Variants in SH2D1B observed in about 807,000 individuals in gnomAD.
The protein encoded by SH2D1B is SH2 domain-containing protein 1B.
SH2D1B carries 11 observed loss-of-function variants against 16.3 expected under a neutral mutation model. The observed-to-expected ratio is 0.67, with a 90% CI of 0.42 to 1.11. The LOEUF is 1.11. Among genes scored for constraint, SH2D1B ranks in the 50% most tolerant of loss-of-function variants. SH2D1B has a pLI of 0.00. For synonymous variants in SH2D1B, 55 were observed against 56.1 expected (o/e 0.98, Z 0.09); for missense variants, 123 against 153.1 (o/e 0.80, Z 1.04).
chr1:162,396,994 G>C lies in SH2D1B; in HGVS notation c.*286C>G. The C allele has an allele frequency of 2.4e-6, 1 of 413,756 alleles. No individual in the cohort carries two copies. The highest frequency in any genetic ancestry group is 4.5e-6 in the Non-Finnish European group (1 of 221,294). The allele number at this position is 413,756 out of a possible 1,614,324, so 25.6% of individuals were successfully genotyped here. ...AAGGAGGGTGTCAACCATGATGTAG[G>C]GTGGTACCTTTAACAAGTCAAAGGG... On this transcript the variant is annotated 3_prime_UTR_variant, in exon 4 of 4. Coordinates refer to ENST00000367929, the MANE Select transcript of SH2D1B (RefSeq NM_053282.5).
chr1:162,404,195 G>A (rs897683750), intron 1 of SH2D1B, among the ~76,000 whole-genome samples: 3 of 152,102 alleles, frequency 2.0e-5, no homozygotes, highest in Admixed American at 6.5e-5. Context: ...AATTTGCTGG[G>A]TGTGGTGGCA....
intron 3 of SH2D1B, among the ~76,000 whole-genome samples, chr1:162,397,771 G>T (rs909462367): frequency 2.6e-5 from 4 of 152,172 alleles, no homozygotes; most frequent in African/African-American, 9.7e-5. Context: ...TGGGATTTAT[G>T]ATTCTTTTCT....
rs758704406 is a variant in SH2D1B at position 162,398,996 on chromosome 1, A to G, written c.290T>C (p.Leu97Pro). ...GCTGGTTCTCTTTATTGGCTTTAAA[A>G]GGTGAACCACCATCCCCTGATTTGG... ...EKPNQGMVVHLLKPIKRTSPS... is the reference protein window; with the variant it reads ...EKPNQGMVVHPLKPIKRTSPS... The change falls in exon 3 of 4, where the codon CTT becomes CCT. Residue 97 changes from leucine to proline, a missense_variant. Coordinates refer to ENST00000367929, the MANE Select transcript of SH2D1B (RefSeq NM_053282.5). 6.2e-6 allele frequency: 10 copies of G among 1,614,168 alleles called. No individual in the cohort carries two copies. In the South Asian group the frequency reaches 9.9e-5, roughly 16 times the overall value.
chr1:162,397,071 T>A lies in SH2D1B; in HGVS notation c.*209A>T. On this transcript the variant is annotated 3_prime_UTR_variant, in exon 4 of 4. Transcript: ENST00000367929. ...GAAAGAAGAGTGAAACTGGAGAGGG[T>A]TTTGAAATTGCTCCTGGTATATGTC... 3.6e-6 allele frequency: 2 copies of A among 556,096 alleles called. No homozygotes were observed. Among genetic ancestry groups the A allele is most frequent in the Non-Finnish European group, 6.5e-6 (2 of 308,978 alleles). 34.4% of individuals were successfully genotyped at this position (556,096 alleles called of 1,614,324 possible). A position where few individuals can be genotyped will look rare whatever the true frequency, so the allele number is the denominator to read the frequency against.
intron 3 of SH2D1B, 60 bp from the exon 4 acceptor site, chr1:162,397,375 A>C: frequency 6.3e-7 from 1 of 1,583,810 alleles, no homozygotes; most frequent in Non-Finnish European, 8.7e-7. Context: ...AAGTCATATC[A>C]AACAACCCCA....
At chr1:162,405,356 C>A (rs55740620) in intron 1 of SH2D1B, among the ~76,000 whole-genome samples, 46,619 of 152,038 alleles carry the variant, frequency 0.31, 7,261 homozygotes, top group African/African-American at 0.34. Context: ...TGGCTGTGTT[C>A]GTTTCATAAG....
Position 162,399,065 on chromosome 1 carries a change from T to C in SH2D1B, c.221A>G (p.Gln74Arg). 1 of 1,613,004 alleles carries C rather than the reference T, an allele frequency of 6.2e-7. No homozygotes were observed. The highest frequency in any genetic ancestry group is 1.7e-5 in the Admixed American group (1 of 59,802). ...CAGTTCCTTTAGGCTTGGAAAGACC[T>C]GTTTTGGAGAACCTTCTGCAGTCTG... Reference protein sequence around the residue: ...RIQTAEGSPKQVFPSLKELIS... With the variant: ...RIQTAEGSPKRVFPSLKELIS... Residue 74 changes from glutamine (Q) to arginine (R), a missense_variant, in exon 3 of 4, where the codon CAG becomes CGG. Coordinates refer to ENST00000367929, the MANE Select transcript of SH2D1B (RefSeq NM_053282.5).
chr1:162,411,250 C>T (rs1322943719), intron 1 of SH2D1B, among the ~76,000 whole-genome samples: 2 of 152,154 alleles, frequency 1.3e-5, no homozygotes, highest in African/African-American at 4.8e-5. Context: ...GCCACCATGC[C>T]CAGCCTGGAA....
intron 1 of SH2D1B, among the ~76,000 whole-genome samples, chr1:162,406,440 A>G (rs1404219800): frequency 2.6e-5 from 4 of 152,204 alleles, no homozygotes; most frequent in Non-Finnish European, 4.4e-5. Flanking sequence ...TGGAGAAAAC[A>G]GGTTGCAAGC....
chr1:162,397,087 G>A lies in SH2D1B; in HGVS notation c.*193C>T. 1 of 586,812 alleles carries A rather than the reference G, an allele frequency of 1.7e-6. No individual in the cohort carries two copies. Among genetic ancestry groups the A allele is most frequent in the Non-Finnish European group, 3.0e-6 (1 of 327,894 alleles). 36.4% of individuals were successfully genotyped at this position (586,812 alleles called of 1,614,324 possible). A position where few individuals can be genotyped will look rare whatever the true frequency, so the allele number is the denominator to read the frequency against. ...TGGAGAGGGTTTTGAAATTGCTCCT[G>A]GTATATGTCTGGGAGGCGGGGATGT... is the stretch of plus-strand genomic sequence containing the variant. On this transcript the variant is annotated 3_prime_UTR_variant, in exon 4 of 4. Coordinates refer to ENST00000367929, the MANE Select transcript of SH2D1B (RefSeq NM_053282.5).
chr1:162,405,862 C>G (rs897661704), intron 1 of SH2D1B, among the ~76,000 whole-genome samples: 2 of 152,228 alleles, frequency 1.3e-5, no homozygotes, highest in African/African-American at 2.4e-5. Flanking sequence ...AGGTGCTGTG[C>G]ACGGATCTCT....
Position 162,403,504 on chromosome 1 carries a change from AAAAAAAAATATATATATATATATAT to A in SH2D1B, c.135-727_135-703del, listed in dbSNP as rs1309420383. Among the ~76,000 whole-genome samples, 14 of 31,792 alleles carry A rather than the reference AAAAAAAAATATATATATATATATAT, an allele frequency of 4.4e-4. 1 individual carries two copies. The highest frequency in any genetic ancestry group is 1.9e-3 in the East Asian group (2 of 1,074). 20.9% of individuals were successfully genotyped at this position (31,792 alleles called of 152,430 possible). ...ACTCTGTCTGAAAAAAAAAAAAAAA[AAAAAAAAATATATATATATATATAT>A]ATATATATATATATGTAATTACTAT... On this transcript the variant is annotated intron_variant, in intron 1 of 3. Transcript: ENST00000367929.
chr1:162,403,762 T>C lies in SH2D1B; in HGVS notation c.135-960A>G, dbSNP rs1025128581. Among the ~76,000 whole-genome samples the C allele has an allele frequency of 5.4e-5, 8 of 147,662 alleles. No individual in the cohort carries two copies. The South Asian group carries it at 8.6e-4, about 16-fold the overall frequency. On this transcript the variant is annotated intron_variant, in intron 1 of 3. Transcript: ENST00000367929. The stretch of plus-strand genomic sequence containing the variant: ...CACACAATGGAATATTATTCAGCCA[T>C]AGAAAAATAAAATCCTGTTACTTGC...
intron 2 of SH2D1B, 71 bp from the exon 3 acceptor site, chr1:162,399,158 C>G: frequency 6.8e-7 from 1 of 1,476,472 alleles, no homozygotes; most frequent in Non-Finnish European, 9.2e-7. Context: ...CTTCTCAAAG[C>G]AGTGGGTTTT....
At chr1:162,403,367 T>C (rs1306459912) in intron 1 of SH2D1B, among the ~76,000 whole-genome samples, 2 of 149,796 alleles carry the variant, frequency 1.3e-5, no homozygotes, top group Non-Finnish European at 3.0e-5. Context: ...CGTATGCCTG[T>C]AATCCCAGCT....
chr1:162,408,817 C>G (rs558423571), intron 1 of SH2D1B, among the ~76,000 whole-genome samples: 1 of 151,952 alleles, frequency 6.6e-6, no homozygotes, highest in African/African-American at 2.4e-5. Context: ...CAAAGAGAAT[C>G]CCAATATAGG....
chr1:162,411,523 AC>A (rs1450899340), intron 1 of SH2D1B, among the ~76,000 whole-genome samples: 2 of 152,246 alleles, frequency 1.3e-5, no homozygotes, highest in East Asian at 1.9e-4. Flanking sequence ...TTCTTGAAGA[AC>A]CCCTAGCCTT....
intron 1 of SH2D1B, among the ~76,000 whole-genome samples, chr1:162,409,224 C>T (rs1648737349): frequency 6.6e-6 from 1 of 152,052 alleles, no homozygotes; most frequent in South Asian, 2.1e-4. Flanking sequence ...CACTGCTTGC[C>T]CCAGCACAAC....
chr1:162,404,329 C>A (rs1228598683), intron 1 of SH2D1B, among the ~76,000 whole-genome samples: 3 of 151,692 alleles, frequency 2.0e-5, no homozygotes, highest in African/African-American at 7.3e-5. Context: ...GAGTGAGACT[C>A]CATCTCAAAA....
Sources: gnomAD v4.1 joint callset for allele counts (sites outside exome capture counted in the v4.1 genomes callset) on GRCh38, gnomAD v4.1.1 for gene constraint, MANE v1.5 for transcripts, NCBI Gene and HGNC (gene_info 2026-07-23, HGNC 2026-07-21) for gene names.